RANBP17: variants seen among roughly 807,000 people sequenced by gnomAD.
RANBP17 encodes RAN binding protein 17.
Under a neutral mutation model 141.2 loss-of-function variants are expected in RANBP17, and 158 were observed. That is an observed-to-expected ratio of 1.12 (90% CI 0.98 to 1.28). RANBP17 has a LOEUF of 1.28. RANBP17 is among the 50% of genes most tolerant of loss of function. RANBP17 has a pLI of 0.00. For synonymous variants in RANBP17, 430 were observed against 450.0 expected, an observed-to-expected ratio of 0.96 and a Z score of 0.56; for missense variants, 1,438 against 1,290.7, an observed-to-expected ratio of 1.11 and a Z score of -1.75.
intron 14 of RANBP17, among the ~76,000 whole-genome samples, chr5:170,993,629 T>C (rs1478423482): frequency 6.6e-6 from 1 of 152,010 alleles, no homozygotes; most frequent in Non-Finnish European, 1.5e-5. Context: ...TAAATGAGAG[T>C]GTATATGAAA....
chr5:171,233,540 T>A (rs914387569), intron 22 of RANBP17, among the ~76,000 whole-genome samples: 1 of 151,956 alleles, frequency 6.6e-6, no homozygotes, highest in African/African-American at 2.4e-5. Context: ...ACCCAGACAA[T>A]GGAATGTTAT....
chr5:171,281,736 A>G (rs557060529), intron 25 of RANBP17, among the ~76,000 whole-genome samples: 8 of 152,350 alleles, frequency 5.3e-5, no homozygotes, highest in Admixed American at 3.9e-4. Flanking sequence ...GTGTGCACCT[A>G]GCACATAAAA....
intron 14 of RANBP17, among the ~76,000 whole-genome samples, chr5:171,064,597 A>G (rs978493613): frequency 1.3e-5 from 2 of 152,184 alleles, no homozygotes; most frequent in African/African-American, 2.4e-5. Flanking sequence ...TCCAGGCTCA[A>G]GTGATCCTCC....
At chr5:171,044,173 C>T (rs892241779) in intron 14 of RANBP17, among the ~76,000 whole-genome samples, 5 of 152,004 alleles carry the variant, frequency 3.3e-5, no homozygotes, top group African/African-American at 1.2e-4. Flanking sequence ...CCCCTGGTGC[C>T]TATGAGTATT....
At chr5:171,133,106 G>A (rs1359107535) in intron 14 of RANBP17, among the ~76,000 whole-genome samples, 3 of 152,100 alleles carry the variant, frequency 2.0e-5, no homozygotes, top group African/African-American at 4.8e-5. Context: ...GGCTGGTCTC[G>A]AACTCCTGAC....
intron 14 of RANBP17, among the ~76,000 whole-genome samples, chr5:171,015,225 T>A (rs1221093901): frequency 6.6e-6 from 1 of 152,154 alleles, no homozygotes; most frequent in Non-Finnish European, 1.5e-5. Context: ...AACTTTTAGC[T>A]TTTATTTCTT....
intron 14 of RANBP17, among the ~76,000 whole-genome samples, chr5:171,141,049 A>C (rs368800736): frequency 1.6e-4 from 25 of 152,318 alleles, no homozygotes; most frequent in Admixed American, 4.6e-4. Context: ...GGCTGTACTT[A>C]CTCATCTCTA....
At chr5:171,266,336 A>G (rs1766676813) in intron 25 of RANBP17, among the ~76,000 whole-genome samples, 1 of 152,188 alleles carries the variant, frequency 6.6e-6, no homozygotes, top group Non-Finnish European at 1.5e-5. Flanking sequence ...CTTGGTTCAG[A>G]TAGGTTAGGT....
chr5:170,881,726 T>C (rs763330671), intron 2 of RANBP17, 80 bp from the exon 3 acceptor site: 53 of 1,006,322 alleles, frequency 5.3e-5, no homozygotes, highest in Non-Finnish European at 6.6e-5. Flanking sequence ...ATTTCTGTTA[T>C]TGCTTAGAAG....
chr5:170,922,293 C>T (rs2127442165), intron 11 of RANBP17, among the ~76,000 whole-genome samples: 1 of 152,204 alleles, frequency 6.6e-6, no homozygotes, highest in Middle Eastern at 3.4e-3. Flanking sequence ...GGTGAGGGAC[C>T]CGCTTGAGGA....
At chr5:170,899,502 C>T (rs1342481781) in intron 5 of RANBP17, among the ~76,000 whole-genome samples, 1 of 152,180 alleles carries the variant, frequency 6.6e-6, no homozygotes, top group East Asian at 1.9e-4. Context: ...TATTTGAATA[C>T]TCTTTATTTC....
At chr5:171,297,674 G>C (rs1480706595) in intron 27 of RANBP17, among the ~76,000 whole-genome samples, 2 of 151,126 alleles carry the variant, frequency 1.3e-5, no homozygotes, top group African/African-American at 2.4e-5. Flanking sequence ...CTTCACCTAA[G>C]GCTTGGAAAT....
intron 14 of RANBP17, among the ~76,000 whole-genome samples, chr5:171,122,587 G>C (rs1173249108): frequency 6.6e-6 from 1 of 152,188 alleles, no homozygotes; most frequent in Non-Finnish European, 1.5e-5. Context: ...GAGCCAGGAG[G>C]AGCACCACAC....
chr5:171,062,278 A>C (rs1008017476), intron 14 of RANBP17, among the ~76,000 whole-genome samples: 1 of 152,062 alleles, frequency 6.6e-6, no homozygotes, highest in Non-Finnish European at 1.5e-5. Flanking sequence ...AATTTGGCAT[A>C]ATTTTGCGGC....
rs567385410 is a variant in RANBP17 at position 171,199,832 on chromosome 5, C to T, written c.2142+59C>T. The T allele has an allele frequency of 1.8e-4, 183 of 1,006,594 alleles. No homozygotes were observed. In the African/African-American group the frequency reaches 2.5e-3, roughly 14 times the overall value. The allele number at this position is 1,006,594 out of a possible 1,614,324, so 62.4% of individuals were successfully genotyped here. A position where few individuals can be genotyped will look rare whatever the true frequency, so the allele number is the denominator to read the frequency against. On this transcript the variant is annotated intron_variant, in intron 19 of 27. Transcript: ENST00000523189. ...TTTGTTTTTTCTAGGATATCTAGAT[C>T]CAGAAAAGGGCTTTGCATATCTGTG...
intron 14 of RANBP17, among the ~76,000 whole-genome samples, chr5:171,043,039 A>T (rs1782356622): frequency 6.6e-6 from 1 of 152,170 alleles, no homozygotes; most frequent in Admixed American, 6.6e-5. Context: ...TTGATTGATG[A>T]CTACTTTCCT....
intron 14 of RANBP17, among the ~76,000 whole-genome samples, chr5:171,048,430 C>A (rs1782735531): frequency 6.6e-6 from 1 of 152,056 alleles, no homozygotes; most frequent in Non-Finnish European, 1.5e-5. Context: ...GTGTTTATAT[C>A]ATTTGCAGTT....
At chr5:170,923,193 A>T (rs1014949211) in intron 11 of RANBP17, among the ~76,000 whole-genome samples, 1 of 152,178 alleles carries the variant, frequency 6.6e-6, no homozygotes, top group African/African-American at 2.4e-5. Context: ...ATTACCTGGC[A>T]TAAGGCTAGA....
intron 12 of RANBP17, among the ~76,000 whole-genome samples, chr5:170,941,841 G>T (rs926737501): frequency 6.6e-6 from 1 of 152,178 alleles, no homozygotes; most frequent in African/African-American, 2.4e-5. Flanking sequence ...AAATGGAATA[G>T]AAATGAATTT....
Sources: gnomAD v4.1 joint callset for allele counts (sites outside exome capture counted in the v4.1 genomes callset) on GRCh38, gnomAD v4.1.1 for gene constraint, MANE v1.5 for transcripts, NCBI Gene and HGNC (gene_info 2026-07-23, HGNC 2026-07-21) for gene names.